SLC6A12: variants seen among roughly 807,000 people sequenced by gnomAD.
SLC6A12 encodes the protein sodium- and chloride-dependent betaine transporter.
SLC6A12 carries 50 observed loss-of-function variants against 73.3 expected under a neutral mutation model. The ratio of observed to expected loss-of-function variants is 0.68; its 90% CI spans 0.54 to 0.86. The LOEUF is 0.86. Among genes scored for constraint, SLC6A12 ranks in the 40% least tolerant of loss-of-function variants. The probability of loss-of-function intolerance (pLI) is 0.00; values close to 1 mark genes in which losing one functional copy is unlikely to be tolerated. For synonymous variants in SLC6A12, 304 were observed against 309.2 expected (o/e 0.98, Z 0.18); for missense variants, 648 against 772.8 (o/e 0.84, Z 1.92).
rs1565467105 is a variant in SLC6A12, at chr12:195,282, C to T, written c.1372G>A (p.Gly458Ser). 1 of 1,613,852 alleles carries T rather than the reference C, an allele frequency of 6.2e-7. No individual in the cohort carries two copies. Residue 458 changes from glycine to serine, a missense_variant, in exon 13 of 16, where the codon GGC becomes AGC. By Grantham distance (56) the Gly-to-Ser change is moderately conservative. Coordinates refer to ENST00000684302, the MANE Select transcript of SLC6A12 (RefSeq NM_001122848.3). ...FQLFDYYASS[G>S]ICLLFLSLFE... ...AATGACAGGAACAGCAGGCATATGCCACTGGAAGCATAGTAGTCAAACAGC... is the reference window on the plus strand; with the variant it reads ...AATGACAGGAACAGCAGGCATATGCTACTGGAAGCATAGTAGTCAAACAGC...
Position 204,583 on chromosome 12 carries a change from C to A in SLC6A12, c.330G>T (p.Lys110Asn), listed in dbSNP as rs929712099. Reference protein sequence around the residue: ...TSQGSVTAWRKICPLFQGIGL... With the variant: ...TSQGSVTAWRNICPLFQGIGL... ...ACATACCCTGGAAGAGGGGGCAGAT[C>A]TTCCTCCAGGCTGTGACACTCCCTT... is the stretch of plus-strand genomic sequence containing the variant. The change falls in exon 4 of 16, where the codon AAG becomes AAT. Residue 110 changes from lysine to asparagine, a missense_variant. Physicochemically the swap from Lys to Asn is moderately conservative, Grantham distance 94. Coordinates refer to ENST00000684302, the MANE Select transcript of SLC6A12 (RefSeq NM_001122848.3). 2.5e-6 allele frequency: 4 copies of A among 1,614,050 alleles called. No homozygotes were observed. The African/African-American group carries it at 4.0e-5, about 16-fold the overall frequency.
rs1258039037 is a variant in SLC6A12, at chr12:212,086, C to T, written c.-118G>A. On this transcript the variant is annotated 5_prime_UTR_variant, in exon 2 of 16. In the 5' UTR this introduces an upstream ATG that the reference lacks. Coordinates refer to ENST00000684302, the MANE Select transcript of SLC6A12 (RefSeq NM_001122848.3). ...GCTGTGTGACCTCAGGCAAATCACA[C>T]CCCCTCTCTGAACTCTAAGTTTCCC... 6.6e-6 allele frequency: 1 copy of T among 152,254 alleles called. No individual in the cohort carries two copies. The highest frequency in any genetic ancestry group is 2.4e-5 in the African/African-American group (1 of 41,466). The allele number at this position is 152,254 out of a possible 1,614,324, so 9.4% of individuals were successfully genotyped here. A position where few individuals can be genotyped will look rare whatever the true frequency, so the allele number is the denominator to read the frequency against.
At chr12:200,864 C>G (rs537332009) in intron 6 of SLC6A12, 81 bp from the exon 7 acceptor site, 28 of 1,433,566 alleles carry the variant, frequency 2.0e-5, no homozygotes, top group Middle Eastern at 3.6e-4. Context: ...TCCTGATTCT[C>G]AGAGCTGACC....
At chr12:184,614 G>T in the SLC6A12 span, among the ~76,000 whole-genome samples, 1 of 152,136 alleles carries the variant, frequency 6.6e-6, no homozygotes, top group South Asian at 2.1e-4. Flanking sequence ...GCCGGGCGTG[G>T]TGGCGGGCGC....
rs575736968 is a variant in SLC6A12, at chr12:202,007, G to A, written c.491-158C>T. 2.6e-5 allele frequency among the ~76,000 whole-genome samples: 4 copies of A among 152,152 alleles called. No homozygotes were observed. In the East Asian group the frequency reaches 5.8e-4, roughly 22 times the overall value. On this transcript the variant is annotated intron_variant, in intron 5 of 15. Coordinates refer to ENST00000684302, the MANE Select transcript of SLC6A12 (RefSeq NM_001122848.3). ...TCCAGGGCATCAGGAGGCTCATAGG[G>A]CCAGCTCTTCCTCCCCCTGCTCTTG...
chr12:193,451 A>G (rs1939710403), intron 13 of SLC6A12, 74 bp from the exon 14 acceptor site: 4 of 1,193,818 alleles, frequency 3.4e-6, no homozygotes, highest in East Asian at 2.4e-5. Context: ...GGAAAGACCC[A>G]CTTGGCTCTG....
chr12:189,140 G>T (rs867909612), downstream of SLC6A12, among the ~76,000 whole-genome samples: 5 of 152,212 alleles, frequency 3.3e-5, no homozygotes, highest in Non-Finnish European at 7.3e-5. Flanking sequence ...GTGCCGCGGC[G>T]TTTGCAGGCG....
intron 6 of SLC6A12, chr12:201,439 G>A (rs1940259199): frequency 3.2e-6 from 1 of 310,514 alleles, no homozygotes; most frequent in African/African-American, 2.2e-5. Flanking sequence ...AGTGGGAAGA[G>A]ACATGCACAC....
intron 12 of SLC6A12, among the ~76,000 whole-genome samples, chr12:195,565 C>T (rs1357624222): frequency 8.5e-5 from 13 of 152,168 alleles, no homozygotes; most frequent in Admixed American, 8.5e-4. Flanking sequence ...TCTCGTCTGC[C>T]CAGCATCTCC....
intron 12 of SLC6A12, among the ~76,000 whole-genome samples, chr12:195,920 C>A (rs1438740330): frequency 1.3e-5 from 2 of 152,176 alleles, no homozygotes; most frequent in African/African-American, 2.4e-5. Context: ...TCTGCTTAAG[C>A]CAGCTGTATT....
At position 193,378 on chromosome 12, in the gene SLC6A12, C is replaced by T. The variant is rs748526957; in HGVS notation, c.1430-1G>A. Reference sequence around the variant, plus strand: ...ATGTTGTCATAGAAACGGTCCGCCCCTGAGCAGGCATGGCGTGGGAGAGTG... The same window carrying T: ...ATGTTGTCATAGAAACGGTCCGCCCTTGAGCAGGCATGGCGTGGGAGAGTG... On this transcript the variant is annotated splice_acceptor_variant, in intron 13 of 15. Coordinates refer to ENST00000684302, the MANE Select transcript of SLC6A12 (RefSeq NM_001122848.3). LOFTEE classifies it high-confidence loss of function. 4 of 1,612,382 alleles carry T rather than the reference C, an allele frequency of 2.5e-6. No individual in the cohort carries two copies. The South Asian group carries it at 3.3e-5, about 13-fold the overall frequency.
At chr12:192,829 G>A (rs1422218607) in intron 14 of SLC6A12, among the ~76,000 whole-genome samples, 181 bp from the exon 15 acceptor site, 1 of 150,564 alleles carries the variant, frequency 6.6e-6, no homozygotes, top group African/African-American at 2.5e-5. Flanking sequence ...ACGGAGACAG[G>A]AGGCGATACA....
At position 200,177 on chromosome 12, in the gene SLC6A12, C is replaced by T. The variant is rs142509289; in HGVS notation, c.711+474G>A. On this transcript the variant is annotated intron_variant, in intron 7 of 15. Transcript: ENST00000684302. ...AGGCTGGAGTGCAGTGGCGCTATCTCGGCTCACTGCAAGCTCCGCCTCCCG... is the reference window on the plus strand; with the variant it reads ...AGGCTGGAGTGCAGTGGCGCTATCTTGGCTCACTGCAAGCTCCGCCTCCCG... 2.8e-3 allele frequency among the ~76,000 whole-genome samples: 409 copies of T among 143,590 alleles called. 3 individuals are homozygous for T. Among genetic ancestry groups the T allele is most frequent in the African/African-American group, 9.7e-3 (373 of 38,310 alleles). The allele number at this position is 143,590 out of a possible 152,430, so 94.2% of individuals were successfully genotyped here. A position where few individuals can be genotyped will look rare whatever the true frequency, so the allele number is the denominator to read the frequency against.
downstream of SLC6A12, among the ~76,000 whole-genome samples, chr12:187,595 A>AAAGAAG (rs1565461289): frequency 1.5e-4 from 1 of 6,622 alleles, no homozygotes; most frequent in African/African-American, 2.1e-4. Context: ...AGAGCAAAAA[A>AAAGAAG]AAAAAAAAAA....
chr12:202,614 A>C, intron 5 of SLC6A12, 126 bp downstream of exon 5: 1 of 911,542 alleles, frequency 1.1e-6, no homozygotes, highest in Non-Finnish European at 1.7e-6. Flanking sequence ...GCTGCCCAGG[A>C]GCCCACGTGG....
chr12:196,952 T>A, intron 10 of SLC6A12, 70 bp from the exon 11 acceptor site: 1 of 1,042,978 alleles, frequency 9.6e-7, no homozygotes, highest in Non-Finnish European at 1.5e-6. Context: ...GGCGTCTCTC[T>A]AAGCACTGTG....
intron 10 of SLC6A12, among the ~76,000 whole-genome samples, chr12:197,110 C>CATCTATCCATCTATCCATCCATCT (rs1565468930): frequency 6.3e-5 from 3 of 47,488 alleles, no homozygotes; most frequent in Admixed American, 2.4e-4. Flanking sequence ...TCCATCCATC[C>CATCTATCCATCTATCCATCCATCT]ATCCATCCAT....
At chr12:205,144 T>C (rs1940564003) in intron 3 of SLC6A12, 2 of 178,000 alleles carry the variant, frequency 1.1e-5, no homozygotes, top group Non-Finnish European at 1.2e-5. Flanking sequence ...AGGGTGTTTG[T>C]TGCCTCCACC....
chr12:200,400 A>G (rs143649491), intron 7 of SLC6A12, among the ~76,000 whole-genome samples: 3,438 of 148,096 alleles, frequency 0.023, 131 homozygotes, highest in African/African-American at 0.075. Context: ...GAGCCACTGC[A>G]CCCGGCAGCC....
Sources: allele counts gnomAD v4.1 joint callset (sites outside exome capture counted in the v4.1 genomes callset), GRCh38; gene constraint gnomAD v4.1.1; transcripts MANE v1.5; gene names NCBI Gene and HGNC (gene_info 2026-07-23, HGNC 2026-07-21).